TSPAN16: variants seen among roughly 807,000 people sequenced by gnomAD.
TSPAN16 encodes the protein tetraspanin 16, also known as tetraspanin-16.
A neutral mutation model predicts 25.2 loss-of-function variants in TSPAN16; 23 were observed. The observed-to-expected ratio is 0.91, with a 90% confidence interval of 0.66 to 1.29. TSPAN16 has a LOEUF of 1.29. TSPAN16 is among the 50% of genes most tolerant of loss of function. The probability of loss-of-function intolerance (pLI) is 0.00; values close to 1 mark genes in which losing one functional copy is unlikely to be tolerated. For missense variants in TSPAN16, 272 were observed against 299.9 expected (o/e 0.91, Z 0.69); for synonymous variants, 123 against 124.4 (o/e 0.99, Z 0.08).
At chr19:11,316,924 G>C (rs982173980), downstream of TSPAN16, among the ~76,000 whole-genome samples, 2 of 150,594 alleles carry the variant, frequency 1.3e-5, no homozygotes, top group African/African-American at 4.9e-5. Flanking sequence ...CAATTCTCCT[G>C]CTCAGGCTCC....
chr19:11,316,220 G>T (rs1335857810), downstream of TSPAN16, among the ~76,000 whole-genome samples: 4 of 151,462 alleles, frequency 2.6e-5, no homozygotes, highest in African/African-American at 9.7e-5. Flanking sequence ...CGGGGTTCAA[G>T]TGAGTCTTCT....
chr19:11,313,133 T>C (rs1211267813), intron 6 of TSPAN16, among the ~76,000 whole-genome samples: 1 of 152,190 alleles, frequency 6.6e-6, no homozygotes, highest in Non-Finnish European at 1.5e-5. Flanking sequence ...TTGTTTCACC[T>C]GCAAACTCTG....
At chr19:11,302,355 T>C (rs2147939329) in intron 4 of TSPAN16, among the ~76,000 whole-genome samples, 1 of 151,446 alleles carries the variant, frequency 6.6e-6, no homozygotes, top group Non-Finnish European at 1.5e-5. Flanking sequence ...TCAGGCAGTG[T>C]GTGTCTTTAC....
At chr19:11,320,502 A>G (rs2080771854), downstream of TSPAN16, among the ~76,000 whole-genome samples, 1 of 151,912 alleles carries the variant, frequency 6.6e-6, no homozygotes, top group African/African-American at 2.4e-5. Context: ...ACATAGCAAG[A>G]TCCCATCTCT....
intron 4 of TSPAN16, among the ~76,000 whole-genome samples, chr19:11,304,804 G>A (rs547276698): frequency 2.6e-5 from 4 of 152,086 alleles, no homozygotes; most frequent in African/African-American, 7.2e-5. Flanking sequence ...GATTACAGGC[G>A]TGAGCCACTG....
intron 4 of TSPAN16, among the ~76,000 whole-genome samples, chr19:11,305,936 A>G (rs1487635082): frequency 2.0e-5 from 3 of 152,172 alleles, no homozygotes; most frequent in African/African-American, 7.2e-5. Flanking sequence ...GAAACCAATA[A>G]CTAAACATTG....
At chr19:11,306,506 T>C in intron 4 of TSPAN16, 98 bp from the exon 5 acceptor site, 10 of 1,409,304 alleles carry the variant, frequency 7.1e-6, no homozygotes, top group Non-Finnish European at 9.9e-6. Context: ...GTCTCTGGGA[T>C]ATTGTGACCA....
Position 11,315,794 on chromosome 19 carries a change from C to G in TSPAN16, c.691C>G (p.Pro231Ala). 8.1e-7 allele frequency: 1 copy of G among 1,231,852 alleles called. No individual in the cohort carries two copies. The highest frequency in any genetic ancestry group is 1.6e-5 in the African/African-American group (1 of 64,476). The allele number at this position is 1,231,852 out of a possible 1,614,324, so 76.3% of individuals were successfully genotyped here. The change falls in exon 7 of 7, where the codon CCA (proline) becomes GCA (alanine). Residue 231 changes from proline (P) to alanine (A), a missense_variant. Physicochemically the swap from Pro to Ala is conservative, Grantham distance 27. Coordinates refer to ENST00000590327, the MANE Select transcript of TSPAN16 (RefSeq NM_001282509.2). ...TTTCTTTCTTCACGCATTTCAGTTG[C>G]CAGGAATTCTTGCCACTTTGCTGCT... is the stretch of plus-strand genomic sequence containing the variant. The part of the protein sequence containing the change: ...SSLGAAVIQL[P>A]GILATLLLFI...
intron 6 of TSPAN16, among the ~76,000 whole-genome samples, chr19:11,313,531 A>G (rs1307713211): frequency 6.7e-6 from 1 of 149,492 alleles, no homozygotes; most frequent in African/African-American, 2.4e-5. Flanking sequence ...TGTCTCAAAA[A>G]AAAAAAAAAA....
At chr19:11,298,451 C>T (rs565589145) in intron 2 of TSPAN16, 112 bp downstream of exon 2, 34 of 836,100 alleles carry the variant, frequency 4.1e-5, no homozygotes, top group South Asian at 3.0e-4. Context: ...TTTTTTTTTG[C>T]GGGGACAGGG....
At chr19:11,316,108 T>TGA, downstream of TSPAN16, 1 of 340,620 alleles carries the variant, frequency 2.9e-6, no homozygotes, top group Non-Finnish European at 4.4e-6. Context: ...TGTGTGTGTG[T>TGA]GTGTGTGTGG....
downstream of TSPAN16, among the ~76,000 whole-genome samples, chr19:11,317,085 G>A (rs963333297): frequency 6.6e-6 from 1 of 152,044 alleles, no homozygotes; most frequent in Non-Finnish European, 1.5e-5. Context: ...TTACAGGTGT[G>A]AGCCACTGTG....
intron 6 of TSPAN16, among the ~76,000 whole-genome samples, chr19:11,314,939 G>A (rs1348163068): frequency 4.6e-5 from 7 of 152,030 alleles, no homozygotes; most frequent in Non-Finnish European, 8.8e-5. Context: ...GGGGAGGGCC[G>A]AAGTGGAGAG....
chr19:11,298,358 C>T lies in TSPAN16; in HGVS notation c.267+19C>T. 3 of 1,611,404 alleles carry T rather than the reference C, an allele frequency of 1.9e-6. No individual in the cohort carries two copies. Among genetic ancestry groups the T allele is most frequent in the Non-Finnish European group, 8.5e-7 (1 of 1,178,708 alleles). On this transcript the variant is annotated intron_variant, in intron 2 of 6. Transcript: ENST00000590327. ...CTTGTTTGTAAGTTGGATCTGCACA[C>T]AGACCCCAGAACTGCCTCCCCACAC... is the stretch of plus-strand genomic sequence containing the variant.
downstream of TSPAN16, among the ~76,000 whole-genome samples, chr19:11,320,122 CTTT>C (rs373015307): frequency 1.9e-5 from 2 of 106,826 alleles, no homozygotes; most frequent in East Asian, 2.5e-4. Context: ...CCGGCCAGGA[CTTT>C]TTTTTTTTTT....
intron 6 of TSPAN16, chr19:11,323,718 G>A (rs1026782146): frequency 6.6e-6 from 1 of 152,252 alleles, no homozygotes; most frequent in Non-Finnish European, 1.5e-5. Flanking sequence ...ACATACCCCA[G>A]GGAAGAGGCT....
chr19:11,319,206 G>C (rs1352456380), downstream of TSPAN16, among the ~76,000 whole-genome samples: 1 of 152,160 alleles, frequency 6.6e-6, no homozygotes, highest in Non-Finnish European at 1.5e-5. Flanking sequence ...AGTCAGGGGG[G>C]GTTCTCACAA....
chr19:11,309,312 C>T (rs2080664872), intron 5 of TSPAN16, among the ~76,000 whole-genome samples: 2 of 152,184 alleles, frequency 1.3e-5, no homozygotes, highest in Non-Finnish European at 2.9e-5. Flanking sequence ...GAAAATCAGC[C>T]AGGTTGAGTC....
chr19:11,325,611 C>T, intron 6 of TSPAN16: 1 of 1,464,968 alleles, frequency 6.8e-7, no homozygotes, highest in Non-Finnish European at 9.0e-7. Flanking sequence ...GGTGGGGACA[C>T]TCGTAAGACC....
Sources: gnomAD v4.1 joint callset for allele counts (sites outside exome capture counted in the v4.1 genomes callset) on GRCh38, gnomAD v4.1.1 for gene constraint, MANE v1.5 for transcripts, NCBI Gene and HGNC (gene_info 2026-07-23, HGNC 2026-07-21) for gene names.